The following ATL1 variants were observed in gnomAD, a reference collection of about 807,000 sequenced individuals.
ATL1 encodes atlastin-1.
In ATL1, 31 loss-of-function variants were observed where a neutral mutation model predicts 75.5. The observed-to-expected ratio is 0.41, with a 90% CI of 0.31 to 0.55. ATL1 has a LOEUF of 0.55. Among genes scored for constraint, ATL1 ranks in the 20% least tolerant of loss-of-function variants. ATL1 has a pLI of 0.27. For synonymous variants in ATL1, 226 were observed against 233.3 expected (o/e 0.97, Z 0.28); for missense variants, 405 against 662.6 (o/e 0.61, Z 4.27).
At chr14:50,607,463 G>T (rs1319169998) in intron 6 of ATL1, among the ~76,000 whole-genome samples, 4 of 151,994 alleles carry the variant, frequency 2.6e-5, no homozygotes, top group Admixed American at 2.6e-4. Flanking sequence ...TAAATGTGTT[G>T]GGTGTAGAGG....
intron 1 of ATL1, chr14:50,572,155 G>C (rs1161049664): frequency 2.2e-5 from 8 of 371,498 alleles, no homozygotes; most frequent in African/African-American, 4.3e-5. Context: ...TCTTTTCCGT[G>C]GGCTTACAGA....
chr14:50,617,723 A>AT (rs1468733128), intron 8 of ATL1, among the ~76,000 whole-genome samples: 2 of 152,244 alleles, frequency 1.3e-5, no homozygotes, highest in African/African-American at 4.8e-5. Flanking sequence ...ATTACTGAAC[A>AT]TAATTCTGAA....
Position 50,587,985 on chromosome 14 carries a change from A to G in ATL1, c.189A>G (p.Arg63=). Residue 63 remains arginine, a synonymous_variant, in exon 2 of 14, where the codon AGA becomes AGG. Coordinates refer to ENST00000358385, the MANE Select transcript of ATL1 (RefSeq NM_015915.5). ...GGATCCTTCTCTCGGAGGCTGTCAG[A>G]GACAAGGAGGTTGTTGCTGTATCTG... ...LNRILLSEAV[R]DKEVVAVSVA... The G allele has an allele frequency of 6.2e-7, 1 of 1,614,234 alleles. No homozygotes were observed. Among genetic ancestry groups the G allele is most frequent in the Non-Finnish European group, 8.5e-7 (1 of 1,180,052 alleles).
chr14:50,591,782 G>T, intron 4 of ATL1, 143 bp downstream of exon 4: 1 of 619,522 alleles, frequency 1.6e-6, no homozygotes, highest in Non-Finnish European at 2.8e-6. Context: ...ACGAGTTCTC[G>T]TGATTTCTGT....
chr14:50,577,278 G>A (rs1028913955), intron 1 of ATL1, among the ~76,000 whole-genome samples: 4 of 152,116 alleles, frequency 2.6e-5, no homozygotes, highest in African/African-American at 9.7e-5. Context: ...TAGCCAGGAC[G>A]ATCTCAATCT....
intron 1 of ATL1, among the ~76,000 whole-genome samples, chr14:50,574,937 G>GTGTGTGTATATATATATATA (rs1475087119): frequency 4.3e-5 from 1 of 23,156 alleles, no homozygotes; most frequent in African/African-American, 1.9e-4. Context: ...GTGTGTGTGT[G>GTGTGTGTATATATATATATA]TATATATATA....
chr14:50,547,635 G>A (rs1408793187), intron 1 of ATL1, among the ~76,000 whole-genome samples: 1 of 152,144 alleles, frequency 6.6e-6, no homozygotes, highest in East Asian at 1.9e-4. Context: ...AGCCCTGTGT[G>A]GCCTGTGAAA....
chr14:50,581,452 C>T (rs534414877), intron 1 of ATL1, among the ~76,000 whole-genome samples: 1 of 152,042 alleles, frequency 6.6e-6, no homozygotes, highest in African/African-American at 2.4e-5. Context: ...TTTCATAAAG[C>T]TATTTTAATG....
At chr14:50,544,982 C>T (rs983127825) in intron 1 of ATL1, among the ~76,000 whole-genome samples, 1 of 135,190 alleles carries the variant, frequency 7.4e-6, no homozygotes, top group Admixed American at 7.5e-5. Context: ...TATAATGTAA[C>T]AGGTCCCTCA....
upstream of ATL1, chr14:50,560,094 T>C (rs1319748485): frequency 4.2e-6 from 3 of 706,844 alleles, no homozygotes; most frequent in East Asian, 8.2e-5. Context: ...ATCTGCTTTC[T>C]CCTCCCTTTT....
chr14:50,626,314 A>C (rs745946697), intron 11 of ATL1, among the ~76,000 whole-genome samples: 2 of 152,254 alleles, frequency 1.3e-5, no homozygotes, highest in African/African-American at 4.8e-5. Flanking sequence ...TCTGGATGCC[A>C]TGAAGAGAAT....
At chr14:50,608,524 A>C (rs2039335337) in intron 6 of ATL1, among the ~76,000 whole-genome samples, 1 of 152,028 alleles carries the variant, frequency 6.6e-6, no homozygotes, top group Admixed American at 6.6e-5. Context: ...ACTGGATGAG[A>C]GCATCAGGCA....
chr14:50,602,942 T>C (rs1335720387), intron 6 of ATL1, among the ~76,000 whole-genome samples: 1 of 152,124 alleles, frequency 6.6e-6, no homozygotes, highest in Non-Finnish European at 1.5e-5. Flanking sequence ...GCACTCTCTA[T>C]GTCATTCTCA....
intron 8 of ATL1, among the ~76,000 whole-genome samples, chr14:50,615,831 G>A (rs2039409679): frequency 6.6e-6 from 1 of 152,090 alleles, no homozygotes; most frequent in Non-Finnish European, 1.5e-5. Flanking sequence ...GGAGGGGTGC[G>A]CCTTCAACAA....
intron 1 of ATL1, among the ~76,000 whole-genome samples, chr14:50,569,543 C>G (rs2038936099): frequency 6.6e-6 from 1 of 151,888 alleles, no homozygotes; most frequent in Non-Finnish European, 1.5e-5. Flanking sequence ...AAGTATTAGT[C>G]TCTTAAACCA....
At chr14:50,535,904 A>G (rs2038485461) in intron 1 of ATL1, among the ~76,000 whole-genome samples, 1 of 152,188 alleles carries the variant, frequency 6.6e-6, no homozygotes, top group African/African-American at 2.4e-5. Flanking sequence ...AGTCTTTCCC[A>G]TGCTGTTTTC....
chr14:50,632,062 G>A, intron 13 of ATL1, 167 bp from the exon 14 acceptor site: 1 of 508,188 alleles, frequency 2.0e-6, no homozygotes, highest in East Asian at 3.5e-5. Context: ...CACACATTGA[G>A]GAGTTGAAAA....
chr14:50,578,344 A>G (rs2039025837), intron 1 of ATL1, among the ~76,000 whole-genome samples: 1 of 152,194 alleles, frequency 6.6e-6, no homozygotes, highest in South Asian at 2.1e-4. Flanking sequence ...GAACATATAA[A>G]TGTAAAGTTC....
At chr14:50,581,230 AT>A (rs1334443792) in intron 1 of ATL1, among the ~76,000 whole-genome samples, 1 of 150,310 alleles carries the variant, frequency 6.7e-6, no homozygotes, top group African/African-American at 2.4e-5. Context: ...TTAGCTTATG[AT>A]TTTTTTCAAG....
Sources: allele counts gnomAD v4.1 joint callset (sites outside exome capture counted in the v4.1 genomes callset), GRCh38; gene constraint gnomAD v4.1.1; transcripts MANE v1.5; gene names NCBI Gene and HGNC (gene_info 2026-07-23, HGNC 2026-07-21).